The following ANKRD55 variants were observed in gnomAD, a reference collection of about 807,000 sequenced individuals.
The protein encoded by ANKRD55 is ankyrin repeat domain 55, also known as ankyrin repeat domain-containing protein 55.
ANKRD55 carries 41 observed loss-of-function variants against 60.6 expected under a neutral mutation model. The observed-to-expected ratio is 0.68, with a 90% CI of 0.53 to 0.88. The LOEUF is 0.88. Among genes scored for constraint, ANKRD55 ranks in the 40% least tolerant of loss-of-function variants. The pLI is 0.00. For missense variants in ANKRD55, 732 were observed against 767.6 expected, an observed-to-expected ratio of 0.95 and a Z score of 0.55; for synonymous variants, 264 against 290.3, an observed-to-expected ratio of 0.91 and a Z score of 0.92.
intron 4 of ANKRD55, among the ~76,000 whole-genome samples, chr5:56,171,206 C>G (rs1758605936): frequency 6.6e-6 from 1 of 152,216 alleles, no homozygotes; most frequent in African/African-American, 2.4e-5. Context: ...CCTCCCAGTG[C>G]CTAGCAGTCT....
chr5:56,179,629 A>C (rs1029161051), intron 3 of ANKRD55, among the ~76,000 whole-genome samples: 5 of 152,210 alleles, frequency 3.3e-5, no homozygotes, highest in Admixed American at 6.5e-5. Context: ...ACTTTGCCAC[A>C]TGGTAAAGTG....
At chr5:56,137,935 T>C (rs1757652820) in intron 7 of ANKRD55, among the ~76,000 whole-genome samples, 1 of 152,106 alleles carries the variant, frequency 6.6e-6, no homozygotes, top group South Asian at 2.1e-4. Context: ...CACCACATCA[T>C]ACGCCATCAG....
chr5:56,140,192 A>T (rs910609281), intron 7 of ANKRD55, among the ~76,000 whole-genome samples: 1 of 152,088 alleles, frequency 6.6e-6, no homozygotes. Flanking sequence ...GTATGGAAAA[A>T]CTCTAAAATG....
intron 6 of ANKRD55, among the ~76,000 whole-genome samples, chr5:56,155,430 T>A (rs1375949600): frequency 6.6e-6 from 1 of 152,158 alleles, no homozygotes; most frequent in African/African-American, 2.4e-5. Context: ...GGTTACTTTT[T>A]GTTGTCAGGA....
intron 10 of ANKRD55, among the ~76,000 whole-genome samples, chr5:56,103,973 G>A (rs1165862359): frequency 6.6e-6 from 1 of 152,160 alleles, no homozygotes; most frequent in Non-Finnish European, 1.5e-5. Flanking sequence ...CTCCCTGGTG[G>A]ATATTTTGCC....
rs1013696370 is a variant in ANKRD55 at position 56,183,363 on chromosome 5, C to T, written c.181+149G>A. 7.8e-6 allele frequency: 8 copies of T among 1,025,160 alleles called. No homozygotes were observed. In the Admixed American group the frequency reaches 1.9e-4, roughly 25 times the overall value. The allele number at this position is 1,025,160 out of a possible 1,614,324, so 63.5% of individuals were successfully genotyped here. A position where few individuals can be genotyped will look rare whatever the true frequency, so the allele number is the denominator to read the frequency against. On this transcript the variant is annotated intron_variant, in intron 3 of 11. Coordinates refer to ENST00000341048, the MANE Select transcript of ANKRD55 (RefSeq NM_024669.3). ...GAAAACAAACTCAAACTGATGACTT[C>T]ATTATAAGAGGCGATGTGGTACCTG... is the stretch of plus-strand genomic sequence containing the variant.
intron 7 of ANKRD55, chr5:56,127,697 C>T: frequency 2.4e-6 from 1 of 422,214 alleles, no homozygotes; most frequent in Non-Finnish European, 3.2e-6. Context: ...TTTACAAAAA[C>T]AATTAAAAGA....
chr5:56,105,085 CTTTTT>C (rs755695417), intron 10 of ANKRD55, among the ~76,000 whole-genome samples: 1 of 123,352 alleles, frequency 8.1e-6, no homozygotes, highest in Non-Finnish European at 1.8e-5. Flanking sequence ...TGGAGCTATT[CTTTTT>C]TTTTTTTTTT....
chr5:56,181,942 T>G (rs879682726), intron 3 of ANKRD55, among the ~76,000 whole-genome samples: 1 of 152,228 alleles, frequency 6.6e-6, no homozygotes, highest in Non-Finnish European at 1.5e-5. Context: ...TGGTTAAGGA[T>G]TTTTAAATCT....
intron 2 of ANKRD55, among the ~76,000 whole-genome samples, chr5:56,227,201 A>G (rs1293061093): frequency 1.3e-5 from 2 of 152,118 alleles, no homozygotes; most frequent in Non-Finnish European, 2.9e-5. Flanking sequence ...ACATGGATGA[A>G]GCTGGAAGCC....
intron 7 of ANKRD55, among the ~76,000 whole-genome samples, chr5:56,131,667 G>A (rs140527391): frequency 2.4e-4 from 36 of 151,414 alleles, no homozygotes; most frequent in African/African-American, 7.5e-4. Context: ...GTGGTGGTGC[G>A]TGCCTGTGAT....
At chr5:56,135,640 A>G (rs1040902727) in intron 7 of ANKRD55, among the ~76,000 whole-genome samples, 6 of 152,078 alleles carry the variant, frequency 3.9e-5, no homozygotes, top group Non-Finnish European at 5.9e-5. Context: ...AAGTGCTAGG[A>G]TTACAGGCGT....
At chr5:56,176,696 C>T (rs758793907) in intron 3 of ANKRD55, among the ~76,000 whole-genome samples, 7 of 152,132 alleles carry the variant, frequency 4.6e-5, no homozygotes, top group Non-Finnish European at 1.0e-4. Flanking sequence ...TGTTAAGGGG[C>T]AGCAACAGTA....
chr5:56,128,563 C>G, intron 7 of ANKRD55, among the ~76,000 whole-genome samples: 1 of 152,166 alleles, frequency 6.6e-6, no homozygotes, highest in South Asian at 2.1e-4. Context: ...GTCTCTATAC[C>G]TGAATCTCAC....
At position 56,208,574 on chromosome 5, in the gene ANKRD55, G is replaced by A. The variant is rs185478239; in HGVS notation, c.58+24282C>T. On this transcript the variant is annotated intron_variant, in intron 2 of 11. Transcript: ENST00000341048. ...CGAGTAGCTGGGACTACAGGCGCCC[G>A]CCACCATGCCCAGCTAATTTTTGTA... Among the ~76,000 whole-genome samples the A allele has an allele frequency of 7.8e-3, 1,189 of 151,848 alleles. 16 individuals are homozygous for A. The highest frequency in any genetic ancestry group is 0.028 in the African/African-American group (1,147 of 41,390).
intron 5 of ANKRD55, among the ~76,000 whole-genome samples, chr5:56,164,306 C>T (rs535593243): frequency 2.0e-5 from 3 of 151,922 alleles, no homozygotes; most frequent in Non-Finnish European, 4.4e-5. Flanking sequence ...AGCTGGCCAG[C>T]GCAGTGACAG....
At chr5:56,188,077 A>G (rs1443041409) in intron 2 of ANKRD55, among the ~76,000 whole-genome samples, 1 of 152,170 alleles carries the variant, frequency 6.6e-6, no homozygotes, top group African/African-American at 2.4e-5. Context: ...AGGCTGATTC[A>G]GTGGAATTGG....
chr5:56,137,824 C>T (rs1757648704), intron 7 of ANKRD55, among the ~76,000 whole-genome samples: 1 of 152,112 alleles, frequency 6.6e-6, no homozygotes, highest in African/African-American at 2.4e-5. Context: ...TCCTAAAACT[C>T]AACAGTAAGA....
chr5:56,135,259 C>CCTGCT (rs1561263760), intron 7 of ANKRD55, among the ~76,000 whole-genome samples: 1 of 123,572 alleles, frequency 8.1e-6, no homozygotes, highest in African/African-American at 3.4e-5. Flanking sequence ...TCCTTCCTTC[C>CCTGCT]TTCTTTCCCT....
Sources: allele counts gnomAD v4.1 joint callset (sites outside exome capture counted in the v4.1 genomes callset), GRCh38; gene constraint gnomAD v4.1.1; transcripts MANE v1.5; gene names NCBI Gene and HGNC (gene_info 2026-07-23, HGNC 2026-07-21).